The following LCOR variants were observed in gnomAD, a reference collection of about 807,000 sequenced individuals.
The protein encoded by LCOR is ligand dependent nuclear receptor corepressor.
Under a neutral mutation model 64.4 loss-of-function variants are expected in LCOR, and 14 were observed. That is an observed-to-expected ratio of 0.22 (90% confidence interval 0.14 to 0.34). The LOEUF (loss-of-function observed/expected upper bound fraction) is 0.34, where lower values mean the gene tolerates loss of function less well. Ranked by LOEUF, LCOR falls within the 10% of genes least tolerant of loss-of-function variation. The pLI is 1.00. For missense variants in LCOR, 1,686 were observed against 1,765.3 expected (o/e 0.96, Z 0.80); for synonymous variants, 643 against 642.5 (o/e 1.00, Z -0.01).
At chr10:96,880,202 C>T (rs1210550886) in intron 2 of LCOR, among the ~76,000 whole-genome samples, 1 of 152,174 alleles carries the variant, frequency 6.6e-6, no homozygotes, top group African/African-American at 2.4e-5. Flanking sequence ...TTAGTACACA[C>T]TCCTCTTTAA....
chr10:96,907,064 T>G (rs1469108320), intron 2 of LCOR, among the ~76,000 whole-genome samples: 1 of 152,232 alleles, frequency 6.6e-6, no homozygotes, highest in African/African-American at 2.4e-5. Context: ...TCAGAATTTG[T>G]GTTGAATGTT....
At position 96,983,126 on chromosome 10, in the gene LCOR, A is replaced by G. The variant is rs7894315; in HGVS notation, c.2666A>G (p.Asn889Ser). ...GAGGACACAGAAAAGCCAAGTGTCA[A>G]TGAACGCCCCTCTGAGAAAGATGCT... ...TLEDTEKPSV[N>S]ERPSEKDAEQ... Residue 889 changes from asparagine (N) to serine (S), a missense_variant, in exon 8 of 8, where the codon AAT (asparagine) becomes AGT (serine). Asn to Ser is a conservative substitution (Grantham distance 46). Transcript: ENST00000421806. This position sits in a 1 kb window ranked among gnomAD's most constrained non-coding sequence, Gnocchi z 4.5. The G allele has an allele frequency of 2.0e-5, 33 of 1,613,724 alleles. No homozygotes were observed. Among genetic ancestry groups the G allele is most frequent in the Non-Finnish European group, 4.2e-6 (5 of 1,179,780 alleles).
At chr10:96,917,953 C>G (rs899234829) in intron 4 of LCOR, among the ~76,000 whole-genome samples, 5 of 151,922 alleles carry the variant, frequency 3.3e-5, no homozygotes, top group Non-Finnish European at 5.9e-5. Context: ...GGAGATAGCT[C>G]AAAGCATTTT....
chr10:96,922,339 T>G (rs757705703), intron 4 of LCOR, among the ~76,000 whole-genome samples: 2 of 152,172 alleles, frequency 1.3e-5, no homozygotes, highest in African/African-American at 4.8e-5. Context: ...GCCACAGATA[T>G]TATTTTCAAG....
At chr10:96,843,856 T>C (rs1307001298) in intron 2 of LCOR, among the ~76,000 whole-genome samples, 1 of 152,220 alleles carries the variant, frequency 6.6e-6, no homozygotes, top group Non-Finnish European at 1.5e-5. Context: ...CATTTAAATA[T>C]GGAGAAGTTT....
chr10:96,929,477 G>T (rs1452995707), intron 4 of LCOR, among the ~76,000 whole-genome samples: 1 of 152,216 alleles, frequency 6.6e-6, no homozygotes, highest in Non-Finnish European at 1.5e-5. Flanking sequence ...AGCCTTCATA[G>T]AATTGAAGAG....
intron 7 of LCOR, chr10:96,956,926 A>G (rs771375119): frequency 5.2e-5 from 51 of 985,140 alleles, no homozygotes; most frequent in Non-Finnish European, 6.1e-5. Context: ...AGGGAAAGAA[A>G]TGTGTATAAG....
At position 96,891,172 on chromosome 10, in the gene LCOR, T is replaced by C. The variant is rs974818624; in HGVS notation, c.-329-16093T>C. Among the ~76,000 whole-genome samples, 18 of 152,266 alleles carry C rather than the reference T, an allele frequency of 1.2e-4. No individual in the cohort carries two copies. In the East Asian group the frequency reaches 2.7e-3, roughly 23 times the overall value. ...CCATATGGTCCTGGGGTTTTTTTTG[T>C]TGGAAGTTTTATTACAGTTTTCATA... On this transcript the variant is annotated intron_variant, in intron 2 of 7. Coordinates refer to ENST00000421806, the MANE Select transcript of LCOR (RefSeq NM_001346516.2).
intron 2 of LCOR, among the ~76,000 whole-genome samples, chr10:96,863,648 T>C (rs1163562725): frequency 6.6e-6 from 1 of 152,206 alleles, no homozygotes; most frequent in Non-Finnish European, 1.5e-5. Flanking sequence ...AGGTTGACCT[T>C]TTTCAAGAAA....
chr10:96,988,803 C>T lies in LCOR; in HGVS notation c.*3669C>T, dbSNP rs1848171246. On this transcript the variant is annotated 3_prime_UTR_variant, in exon 8 of 8. Coordinates refer to ENST00000421806, the MANE Select transcript of LCOR (RefSeq NM_001346516.2). ...AGATGATCTGTCAAGGGTCTGCCAA[C>T]TGTGGGCTGGTCGCTTGTTTGTGTA... 1 of 152,216 alleles carries T rather than the reference C, an allele frequency of 6.6e-6. No homozygotes were observed. Among genetic ancestry groups the T allele is most frequent in the African/African-American group, 2.4e-5 (1 of 41,442 alleles). 9.4% of individuals were successfully genotyped at this position (152,216 alleles called of 1,614,324 possible).
At chr10:96,943,242 C>T (rs561408068) in intron 4 of LCOR, among the ~76,000 whole-genome samples, 10 of 152,246 alleles carry the variant, frequency 6.6e-5, no homozygotes, top group Non-Finnish European at 1.0e-4. Flanking sequence ...ATTGCAGGCA[C>T]GTGCCACCAC....
intron 2 of LCOR, among the ~76,000 whole-genome samples, chr10:96,845,362 A>C (rs1264333477): frequency 6.7e-6 from 1 of 149,924 alleles, no homozygotes; most frequent in Non-Finnish European, 1.5e-5. Context: ...TGATATAAAC[A>C]CTAATTTCCT....
intron 7 of LCOR, chr10:96,954,894 A>G: frequency 7.1e-7 from 1 of 1,409,358 alleles, no homozygotes; most frequent in East Asian, 2.3e-5. Flanking sequence ...TGGTCCCCTC[A>G]CCCATCCCTC....
At chr10:96,894,304 C>A (rs979356977) in intron 2 of LCOR, among the ~76,000 whole-genome samples, 1 of 152,156 alleles carries the variant, frequency 6.6e-6, no homozygotes, top group African/African-American at 2.4e-5. Flanking sequence ...GTCTCAATTT[C>A]TTGACCACGT....
chr10:96,863,303 A>G (rs1845920170), intron 2 of LCOR, among the ~76,000 whole-genome samples: 1 of 146,850 alleles, frequency 6.8e-6, no homozygotes, highest in Non-Finnish European at 1.5e-5. Flanking sequence ...TCCTTGTTTC[A>G]AGTGATTCTC....
At chr10:96,854,514 A>G (rs899062701) in intron 2 of LCOR, among the ~76,000 whole-genome samples, 3 of 152,090 alleles carry the variant, frequency 2.0e-5, no homozygotes, top group African/African-American at 7.2e-5. Flanking sequence ...TTTAGTAGAG[A>G]TGGGGTTTCA....
chr10:96,833,265 C>T (rs1210436224), intron 1 of LCOR, 141 bp from the exon 2 acceptor site: 2 of 955,634 alleles, frequency 2.1e-6, no homozygotes, highest in Non-Finnish European at 2.5e-6. Flanking sequence ...GTCCGCCCCC[C>T]GCCTCCCGGA....
intron 4 of LCOR, among the ~76,000 whole-genome samples, chr10:96,933,350 A>C (rs969995632): frequency 6.6e-6 from 1 of 152,242 alleles, no homozygotes; most frequent in Non-Finnish European, 1.5e-5. Context: ...ATTTCTGTGC[A>C]ATATATTTGC....
intron 2 of LCOR, among the ~76,000 whole-genome samples, chr10:96,851,640 A>G (rs1845723179): frequency 6.6e-6 from 1 of 152,242 alleles, no homozygotes; most frequent in Non-Finnish European, 1.5e-5. Context: ...ATGACTCTGG[A>G]GCAAACATTT....
Sources: allele counts gnomAD v4.1 joint callset (sites outside exome capture counted in the v4.1 genomes callset), GRCh38; gene constraint gnomAD v4.1.1; non-coding constraint Gnocchi (gnomAD v3.1); transcripts MANE v1.5; gene names NCBI Gene and HGNC (gene_info 2026-07-23, HGNC 2026-07-21).